Variants in JPH3 observed in about 807,000 individuals in gnomAD.
JPH3 encodes the protein junctophilin-3.
In JPH3, 11 loss-of-function variants were observed where a neutral mutation model predicts 59.6. That is an observed-to-expected ratio of 0.18 (90% confidence interval 0.12 to 0.31). The LOEUF (loss-of-function observed/expected upper bound fraction) is 0.31. Ranked by LOEUF, JPH3 falls within the 10% of genes least tolerant of loss-of-function variation. The pLI is 1.00. For synonymous variants in JPH3, 673 were observed against 483.6 expected, an observed-to-expected ratio of 1.39 and a Z score of -5.14; for missense variants, 1,202 against 1,105.7, an observed-to-expected ratio of 1.09 and a Z score of -1.24.
intron 2 of JPH3, among the ~76,000 whole-genome samples, chr16:87,674,915 C>T (rs866111372): frequency 6.6e-6 from 1 of 152,070 alleles, no homozygotes; most frequent in South Asian, 2.1e-4. Flanking sequence ...CGCCTGCCAC[C>T]ATGCCCGGCT....
Position 87,689,678 on chromosome 16 carries a change from T to C in JPH3, c.1318T>C (p.Ser440Pro). 1 of 1,612,096 alleles carries C rather than the reference T, an allele frequency of 6.2e-7. No homozygotes were observed. Among genetic ancestry groups the C allele is most frequent in the Non-Finnish European group, 8.5e-7 (1 of 1,179,688 alleles). Residue 440 changes from serine to proline, a missense_variant, in exon 4 of 5, where the codon TCC becomes CCC. Ser to Pro is a moderately conservative substitution (Grantham distance 74). Transcript: ENST00000284262. ...LEYQRPKRQT[S>P]CDDIEVLSTG... is the part of the protein sequence containing the mutation. ...GTACCAGAGGCCGAAGCGTCAGACC[T>C]CCTGTGACGACATCGAGGTGCTGTC... is the stretch of plus-strand genomic sequence containing the variant.
At position 87,689,657 on chromosome 16, in the gene JPH3, C is replaced by G. The variant is rs571217673; in HGVS notation, c.1297C>G (p.Gln433Glu). The G allele has an allele frequency of 6.2e-7, 1 of 1,611,922 alleles. No homozygotes were observed. The highest frequency in any genetic ancestry group is 1.1e-5 in the South Asian group (1 of 90,870). ...GTGTCCCCATACAGGGCTGGAGTAC[C>G]AGAGGCCGAAGCGTCAGACCTCCTG... is the stretch of plus-strand genomic sequence containing the variant. ...FQHRENGLEY[Q>E]RPKRQTSCDD... Residue 433 changes from glutamine (Q) to glutamate (E), a missense_variant, in exon 4 of 5, where the codon CAG becomes GAG. Coordinates refer to ENST00000284262, the MANE Select transcript of JPH3 (RefSeq NM_020655.4).
chr16:87,604,896 G>A, intron 1 of JPH3: 1 of 421,728 alleles, frequency 2.4e-6, no homozygotes, highest in Non-Finnish European at 4.8e-6. Flanking sequence ...TTTTCATGGA[G>A]CAGGTTGGAG....
chr16:87,607,924 G>A (rs907057733), intron 1 of JPH3, among the ~76,000 whole-genome samples: 8 of 152,356 alleles, frequency 5.3e-5, no homozygotes, highest in Non-Finnish European at 1.2e-4. Context: ...GAAAGGCTCC[G>A]TAAGGTGAAA....
At chr16:87,690,669 G>A in intron 4 of JPH3, 143 bp downstream of exon 4, 1 of 908,272 alleles carries the variant, frequency 1.1e-6, no homozygotes, top group Admixed American at 3.7e-5. Context: ...ACAGCCGGGA[G>A]TGGTGGCCCT....
chr16:87,661,180 GC>G (rs1216313563), intron 2 of JPH3, among the ~76,000 whole-genome samples: 1 of 152,142 alleles, frequency 6.6e-6, no homozygotes, highest in Non-Finnish European at 1.5e-5. Flanking sequence ...AGCCAGCGGG[GC>G]AGCCTCTCCT....
chr16:87,672,735 A>G (rs2033049561), intron 2 of JPH3, among the ~76,000 whole-genome samples: 1 of 152,200 alleles, frequency 6.6e-6, no homozygotes, highest in Non-Finnish European at 1.5e-5. Flanking sequence ...GCATCTATAA[A>G]TGGGTGGTGG....
At chr16:87,619,692 G>T (rs926342737) in intron 1 of JPH3, among the ~76,000 whole-genome samples, 1 of 152,238 alleles carries the variant, frequency 6.6e-6, no homozygotes, top group Non-Finnish European at 1.5e-5. Context: ...CTGGGGGGAT[G>T]TTGGGCCACA....
intron 4 of JPH3, chr16:87,695,645 C>A: frequency 2.2e-6 from 1 of 456,076 alleles, no homozygotes; most frequent in Non-Finnish European, 4.4e-6. Context: ...GGCGTCCATT[C>A]CCTGTGCAGC....
In JPH3 at chr16:87,644,968, C is replaced by A. The variant is rs150955715; in HGVS notation, c.1093C>A (p.Arg365Ser). 9.3e-6 allele frequency: 15 copies of A among 1,610,626 alleles called. No individual in the cohort carries two copies. The highest frequency in any genetic ancestry group is 6.7e-5 in the Admixed American group (4 of 59,980). The part of the protein sequence containing the change: ...RASKIREKVD[R>S]AVEAAERAAT... ...CAGCAAGATCCGCGAGAAGGTGGAC[C>A]GCGCCGTTGAGGCCGCTGAGCGGGC... is the stretch of plus-strand genomic sequence containing the variant. The change falls in exon 2 of 5, where the codon CGC (arginine) becomes AGC (serine). Residue 365 changes from arginine (R) to serine (S), a missense_variant. Transcript: ENST00000284262.
At chr16:87,649,403 T>C (rs748552) in intron 2 of JPH3, among the ~76,000 whole-genome samples, 91,331 of 152,178 alleles carry the variant, frequency 0.6, 27,679 homozygotes, top group East Asian at 0.69. Context: ...CTGTCCTGAA[T>C]GCCTCGCTGT....
intron 2 of JPH3, among the ~76,000 whole-genome samples, chr16:87,674,061 G>A (rs1391752040): frequency 2.0e-5 from 3 of 151,238 alleles, no homozygotes; most frequent in Admixed American, 6.6e-5. Flanking sequence ...CAGGCCAGGC[G>A]CAGTGGCTCA....
chr16:87,633,792 C>G (rs1235255692), intron 1 of JPH3, among the ~76,000 whole-genome samples: 1 of 151,632 alleles, frequency 6.6e-6, no homozygotes, highest in African/African-American at 2.4e-5. Context: ...AATGAGACTC[C>G]ATTGCGAAAA....
In JPH3 at chr16:87,684,158, G is replaced by C. The variant is rs1287388869; in HGVS notation, c.1177G>C (p.Ala393Pro). The C allele has an allele frequency of 6.2e-7, 1 of 1,613,588 alleles. No individual in the cohort carries two copies. The part of the protein sequence containing the change: ...IAASRTSHSR[A>P]KAEAALTAAQ... ...CTCCCCCAGGACCTCCCACTCTCGG[G>C]CAAAGGCCGAGGCAGCCCTCACAGC... Residue 393 changes from alanine to proline, a missense_variant, in exon 3 of 5, where the codon GCA (alanine) becomes CCA (proline). Physicochemically the swap from Ala to Pro is conservative, Grantham distance 27. Coordinates refer to ENST00000284262, the MANE Select transcript of JPH3 (RefSeq NM_020655.4).
At chr16:87,607,420 G>T (rs759153434) in intron 1 of JPH3, among the ~76,000 whole-genome samples, 23 of 152,108 alleles carry the variant, frequency 1.5e-4, no homozygotes, top group Non-Finnish European at 3.1e-4. Context: ...ACCCACAGTC[G>T]GAATTCAGAT....
intron 1 of JPH3, among the ~76,000 whole-genome samples, chr16:87,610,019 G>A (rs1597232989): frequency 6.6e-6 from 1 of 152,316 alleles, no homozygotes; most frequent in South Asian, 2.1e-4. Flanking sequence ...TGGGGGTGAT[G>A]GGAGATAGTG....
At chr16:87,673,535 C>T (rs893347175) in intron 2 of JPH3, among the ~76,000 whole-genome samples, 1 of 152,146 alleles carries the variant, frequency 6.6e-6, no homozygotes, top group African/African-American at 2.4e-5. Flanking sequence ...ATCAAATATA[C>T]AAGGTTGTTA....
chr16:87,637,705 G>C (rs2031803150), intron 1 of JPH3, among the ~76,000 whole-genome samples: 1 of 149,416 alleles, frequency 6.7e-6, no homozygotes, highest in Non-Finnish European at 1.5e-5. Context: ...ATGCTTGAAG[G>C]CCATTCCGCC....
At chr16:87,672,422 C>G (rs1488453123) in intron 2 of JPH3, among the ~76,000 whole-genome samples, 1 of 152,214 alleles carries the variant, frequency 6.6e-6, no homozygotes, top group Non-Finnish European at 1.5e-5. Flanking sequence ...GGTTCCGTCC[C>G]AGGGGCCTCC....
Sources: gnomAD v4.1 joint callset for allele counts (sites outside exome capture counted in the v4.1 genomes callset) on GRCh38, gnomAD v4.1.1 for gene constraint, MANE v1.5 for transcripts, NCBI Gene and HGNC (gene_info 2026-07-23, HGNC 2026-07-21) for gene names.